Variants in PDXDC1 observed in about 807,000 individuals in gnomAD.
PDXDC1 encodes pyridoxal-dependent decarboxylase domain-containing protein 1.
Under a neutral mutation model 100.1 loss-of-function variants are expected in PDXDC1, and 42 were observed. The ratio of observed to expected loss-of-function variants is 0.42; its 90% confidence interval spans 0.33 to 0.54. The LOEUF (loss-of-function observed/expected upper bound fraction) is 0.54. Among genes scored for constraint, PDXDC1 ranks in the 20% least tolerant of loss-of-function variants. PDXDC1 has a pLI of 0.10. For synonymous variants in PDXDC1, 260 were observed against 371.7 expected, an observed-to-expected ratio of 0.70 and a Z score of 3.46; for missense variants, 636 against 979.2, an observed-to-expected ratio of 0.65 and a Z score of 4.68.
At chr16:15,055,656 T>C in intron 16 of PDXDC1, 1 of 355,246 alleles carries the variant, frequency 2.8e-6, no homozygotes, top group Non-Finnish European at 5.0e-6. Context: ...TCACCTAACC[T>C]CTCTGGGCCC....
intron 16 of PDXDC1, chr16:15,094,030 C>G (rs956427006): frequency 2.2e-6 from 2 of 896,378 alleles, no homozygotes; most frequent in African/African-American, 3.3e-5. Context: ...GACCCTCCAC[C>G]CCGTGCTCCT....
At chr16:15,062,373 G>GA (rs2044749432) in intron 16 of PDXDC1, among the ~76,000 whole-genome samples, 1 of 152,038 alleles carries the variant, frequency 6.6e-6, no homozygotes, top group South Asian at 2.1e-4. Context: ...CTCAACAAAT[G>GA]AAACATAAAG....
At chr16:15,058,502 A>G (rs1355399655) in intron 16 of PDXDC1, among the ~76,000 whole-genome samples, 2 of 152,134 alleles carry the variant, frequency 1.3e-5, no homozygotes, top group African/African-American at 4.8e-5. Context: ...CGAGGCGGAC[A>G]GATTGCTTGA....
At chr16:14,999,874 TAA>T (rs1269624962) in intron 3 of PDXDC1, among the ~76,000 whole-genome samples, 1 of 152,240 alleles carries the variant, frequency 6.6e-6, no homozygotes, top group Non-Finnish European at 1.5e-5. Context: ...TTTCCTGTTA[TAA>T]CCAGGAAACT....
intron 1 of PDXDC1, among the ~76,000 whole-genome samples, chr16:14,991,610 C>T (rs1413106319): frequency 6.6e-6 from 1 of 152,190 alleles, no homozygotes; most frequent in Non-Finnish European, 1.5e-5. Context: ...CCTTGACCTC[C>T]TGGGCTCAAG....
At chr16:15,013,558 T>G (rs1472988866) in intron 8 of PDXDC1, among the ~76,000 whole-genome samples, 4 of 152,256 alleles carry the variant, frequency 2.6e-5, no homozygotes, top group African/African-American at 7.2e-5. Context: ...TATACTTACA[T>G]GAGTGAGTTT....
chr16:15,095,578 G>A (rs945681695), intron 16 of PDXDC1, among the ~76,000 whole-genome samples: 12 of 152,194 alleles, frequency 7.9e-5, no homozygotes, highest in African/African-American at 2.4e-4. Context: ...TGGGCCCGGC[G>A]CAGTGGCTCA....
the PDXDC1 span, among the ~76,000 whole-genome samples, chr16:15,147,671 C>T: frequency 2.6e-5 from 4 of 152,158 alleles, no homozygotes; most frequent in African/African-American, 9.7e-5. Context: ...AGACTACAGG[C>T]ATGCGCCACC....
At chr16:15,088,724 A>G (rs1434384656) in intron 16 of PDXDC1, among the ~76,000 whole-genome samples, 1 of 152,172 alleles carries the variant, frequency 6.6e-6, no homozygotes, top group Non-Finnish European at 1.5e-5. Flanking sequence ...ATGTTTTCAG[A>G]AAACTGAAAA....
intron 16 of PDXDC1, among the ~76,000 whole-genome samples, chr16:15,059,119 G>C (rs893354478): frequency 6.6e-6 from 1 of 152,170 alleles, no homozygotes; most frequent in Non-Finnish European, 1.5e-5. Flanking sequence ...TCACCAGGGG[G>C]CTTTAAAAAC....
downstream of PDXDC1, among the ~76,000 whole-genome samples, chr16:15,041,348 C>G (rs2043807265): frequency 6.6e-6 from 1 of 152,254 alleles, no homozygotes; most frequent in African/African-American, 2.4e-5. Context: ...ACCCCACCTT[C>G]TCTGTGCACC....
intron 1 of PDXDC1, chr16:14,990,017 G>A: frequency 5.4e-6 from 8 of 1,475,722 alleles, no homozygotes; most frequent in African/African-American, 1.5e-5. Flanking sequence ...AGGGAAGCAG[G>A]TGCAGGCCGC....
chr16:14,984,187 C>T (rs1968686338), intron 1 of PDXDC1, among the ~76,000 whole-genome samples: 1 of 150,560 alleles, frequency 6.6e-6, no homozygotes, highest in South Asian at 2.1e-4. Context: ...TACCCACCCA[C>T]CCCAAAAAAG....
chr16:15,080,277 A>G (rs1011172661), intron 16 of PDXDC1, among the ~76,000 whole-genome samples: 37 of 152,218 alleles, frequency 2.4e-4, no homozygotes, highest in Non-Finnish European at 7.3e-5. Flanking sequence ...AATCATTTCA[A>G]TTATTCCCAG....
intron 1 of PDXDC1, among the ~76,000 whole-genome samples, chr16:14,985,880 C>T (rs1456254191): frequency 6.6e-6 from 1 of 151,862 alleles, no homozygotes; most frequent in Non-Finnish European, 1.5e-5. Flanking sequence ...GAGGATTGCT[C>T]GTGAAGCCAG....
chr16:14,998,800 T>A (rs1282854793), intron 3 of PDXDC1, among the ~76,000 whole-genome samples: 3 of 152,286 alleles, frequency 2.0e-5, no homozygotes, highest in African/African-American at 7.2e-5. Flanking sequence ...ATTTATGGTT[T>A]TAGTTTTAAT....
At chr16:15,035,123 A>T (rs948802842) in intron 21 of PDXDC1, among the ~76,000 whole-genome samples, 1 of 152,222 alleles carries the variant, frequency 6.6e-6, no homozygotes, top group Non-Finnish European at 1.5e-5. Context: ...TCATGAAAGC[A>T]AAAGATAATC....
At chr16:14,999,332 G>T (rs1280648531) in intron 3 of PDXDC1, among the ~76,000 whole-genome samples, 3 of 152,334 alleles carry the variant, frequency 2.0e-5, no homozygotes, top group Middle Eastern at 3.4e-3. Flanking sequence ...CTCTCAAAGT[G>T]CTGGGACTAC....
intron 16 of PDXDC1, chr16:15,133,372 T>C (rs912790734): frequency 4.1e-5 from 43 of 1,047,442 alleles, no homozygotes; most frequent in East Asian, 1.2e-4. Flanking sequence ...GCAGCCAGAC[T>C]GTGAGCCCCA....
Sources: allele counts gnomAD v4.1 joint callset (sites outside exome capture counted in the v4.1 genomes callset), GRCh38; gene constraint gnomAD v4.1.1; transcripts MANE v1.5; gene names NCBI Gene and HGNC (gene_info 2026-07-23, HGNC 2026-07-21).